Variants in MED12L observed in about 807,000 individuals in gnomAD.
MED12L encodes the protein mediator of RNA polymerase II transcription subunit 12-like protein.
A neutral mutation model predicts 281.3 loss-of-function variants in MED12L; 60 were observed. The observed-to-expected ratio is 0.21, with a 90% CI of 0.17 to 0.26. The LOEUF is 0.26. MED12L is among the 10% of genes least tolerant of loss of function. MED12L has a pLI of 1.00. For synonymous variants in MED12L, 974 were observed against 987.2 expected (o/e 0.99, Z 0.25); for missense variants, 2,146 against 2,680.9 (o/e 0.80, Z 4.41).
chr3:151,232,096 T>C (rs1179041084), intron 16 of MED12L, among the ~76,000 whole-genome samples: 1 of 152,216 alleles, frequency 6.6e-6, no homozygotes, highest in African/African-American at 2.4e-5. Context: ...GTGTCTCTGC[T>C]ATTTTTCTTA....
At chr3:151,382,506 G>C in intron 32 of MED12L, 150 bp from the exon 33 acceptor site, 1 of 494,434 alleles carries the variant, frequency 2.0e-6, no homozygotes, top group South Asian at 3.8e-5. Context: ...CTTTCTGCAT[G>C]GAGGAAGAAG....
chr3:151,233,270 A>G (rs1041307378), intron 16 of MED12L, among the ~76,000 whole-genome samples: 2 of 152,184 alleles, frequency 1.3e-5, no homozygotes, highest in Non-Finnish European at 2.9e-5. Context: ...CTGTCTTGTC[A>G]TCTCTTATTC....
chr3:151,410,362 A>G (rs1022842086), intron 40 of MED12L, among the ~76,000 whole-genome samples: 6 of 152,224 alleles, frequency 3.9e-5, no homozygotes, highest in Non-Finnish European at 2.9e-5. Context: ...CACAGCTGAA[A>G]GAAAAGCCCA....
intron 16 of MED12L, among the ~76,000 whole-genome samples, chr3:151,276,491 C>G (rs1477285396): frequency 6.6e-6 from 1 of 152,156 alleles, no homozygotes; most frequent in African/African-American, 2.4e-5. Context: ...CTGGACTGGT[C>G]TGTTTTTGGT....
At chr3:151,422,243 G>A (rs1031839841) in intron 43 of MED12L, among the ~76,000 whole-genome samples, 1 of 152,180 alleles carries the variant, frequency 6.6e-6, no homozygotes, top group Non-Finnish European at 1.5e-5. Flanking sequence ...AGAGCTGGAG[G>A]CATTGTATTA....
Position 151,427,188 on chromosome 3 carries a change from CAT to C in MED12L, c.6409-3110_6409-3109del, listed in dbSNP as rs113955745. ...GAACATTTGATTTGTTGTAATAGCA[CAT>C]GTTATGTAGGCTCTGGAAAGCTGTA... On this transcript the variant is annotated intron_variant, in intron 43 of 44. Transcript: ENST00000687756. 5.2e-3 allele frequency among the ~76,000 whole-genome samples: 797 copies of C among 152,174 alleles called. 5 individuals carry two copies. Among genetic ancestry groups the C allele is most frequent in the African/African-American group, 0.018 (763 of 41,526 alleles).
In MED12L at chr3:151,435,197, A is replaced by AC. The variant is rs1286719294; in HGVS notation, c.*2397dup. The stretch of plus-strand genomic sequence containing the variant: ...TTACCTTAGAATAAGATGGAGCGAG[A>AC]CCCCAGCTCCCCTTAAAGACAAGAC... On this transcript the variant is annotated 3_prime_UTR_variant, in exon 45 of 45. Coordinates refer to ENST00000687756, the MANE Select transcript of MED12L (RefSeq NM_001393769.1). The AC allele has an allele frequency of 3.3e-5, 5 of 149,986 alleles. No homozygotes were observed. Among genetic ancestry groups the AC allele is most frequent in the South Asian group, 4.2e-4 (2 of 4,718 alleles). 9.3% of individuals were successfully genotyped at this position (149,986 alleles called of 1,614,324 possible). A position where few individuals can be genotyped will look rare whatever the true frequency, so the allele number is the denominator to read the frequency against.
chr3:151,179,078 A>G lies in MED12L; in HGVS notation c.1495-6252A>G, dbSNP rs530246509. Among the ~76,000 whole-genome samples, 79 of 152,298 alleles carry G rather than the reference A, an allele frequency of 5.2e-4. No homozygotes were observed. The South Asian group carries it at 0.012, about 23-fold the overall frequency. On this transcript the variant is annotated intron_variant, in intron 11 of 44. Coordinates refer to ENST00000687756, the MANE Select transcript of MED12L (RefSeq NM_001393769.1). ...TTTTTGGCTGGGCGTGGTGGCTCAT[A>G]CTGGTAATGCCAGCACTTTGGAAAG...
chr3:151,347,052 T>C (rs1403034147), intron 16 of MED12L, among the ~76,000 whole-genome samples: 2 of 152,160 alleles, frequency 1.3e-5, no homozygotes, highest in African/African-American at 4.8e-5. Flanking sequence ...CATTTACTCC[T>C]TGGGTTCAAA....
chr3:151,388,484 A>G (rs1458392669), intron 37 of MED12L, among the ~76,000 whole-genome samples: 4 of 152,218 alleles, frequency 2.6e-5, no homozygotes, highest in African/African-American at 9.6e-5. Context: ...TTAGAACTAT[A>G]CAATCCCATT....
chr3:151,354,048 G>GGAC (rs1477239185), intron 17 of MED12L, among the ~76,000 whole-genome samples: 1 of 147,184 alleles, frequency 6.8e-6, no homozygotes, highest in Non-Finnish European at 1.5e-5. Flanking sequence ...GGCTGAGGCA[G>GGAC]GAGAATGGCG....
In MED12L at chr3:151,116,916, G is replaced by A. The variant is rs115882507; in HGVS notation, c.204+474G>A. On this transcript the variant is annotated intron_variant, in intron 3 of 44. Transcript: ENST00000687756. ...TCCGGGTGGTGTCTACCATCTCCCT[G>A]CATTGGAAAGGTAGTCCTCTCTACC... is the stretch of plus-strand genomic sequence containing the variant. Among the ~76,000 whole-genome samples the A allele has an allele frequency of 5.0e-3, 766 of 152,248 alleles. 8 individuals are homozygous for A. The highest frequency in any genetic ancestry group is 0.018 in the African/African-American group (728 of 41,532).
chr3:151,135,205 C>T (rs1431493), intron 5 of MED12L, among the ~76,000 whole-genome samples: 33,290 of 151,918 alleles, frequency 0.22, 3,959 homozygotes, highest in African/African-American at 0.32. Flanking sequence ...TTTGTAGAGA[C>T]GAGGTTTCAC....
chr3:151,352,672 G>T (rs748068934), intron 17 of MED12L, among the ~76,000 whole-genome samples: 1 of 152,148 alleles, frequency 6.6e-6, no homozygotes, highest in Non-Finnish European at 1.5e-5. Flanking sequence ...AGATCAGCCA[G>T]GTCTTGCCTA....
At chr3:151,307,289 G>T (rs1746783878) in intron 16 of MED12L, among the ~76,000 whole-genome samples, 1 of 152,136 alleles carries the variant, frequency 6.6e-6, no homozygotes, top group Admixed American at 6.6e-5. Flanking sequence ...CTGGTTATGA[G>T]TTACCTCTTA....
At position 151,385,085 on chromosome 3, in the gene MED12L, C is replaced by T; in HGVS notation, c.4982C>T (p.Pro1661Leu). ...ATTGACAAAGTTCGACAGTTACTAC[C>T]TTTGCCGAAACAGACATGTGATGTC... ...ESIDKVRQLLPLPKQTCDVIT... is the reference protein window; with the variant it reads ...ESIDKVRQLLLLPKQTCDVIT... Residue 1661 changes from proline to leucine, a missense_variant, in exon 36 of 45, where the codon CCT becomes CTT. Coordinates refer to ENST00000687756, the MANE Select transcript of MED12L (RefSeq NM_001393769.1). 3.1e-6 allele frequency: 5 copies of T among 1,612,228 alleles called. No homozygotes were observed. Among genetic ancestry groups the T allele is most frequent in the Non-Finnish European group, 4.2e-6 (5 of 1,179,028 alleles).
In MED12L at chr3:151,190,722, C is replaced by A; in HGVS notation, c.1759C>A (p.Pro587Thr). Residue 587 changes from proline to threonine, a missense_variant, in exon 14 of 45, where the codon CCA becomes ACA. Around this residue, in one of 9 missense-constraint regions of MED12L, gnomAD observed 722 missense variants for 861.2 expected, o/e 0.84. Transcript: ENST00000687756. ...LDTQAPSLSD[P>T]NSECEKVEFV... is the part of the protein sequence containing the mutation. The stretch of plus-strand genomic sequence containing the variant: ...TTGAATTTGTTTCTCTATAGCGGAC[C>A]CAAACAGTGAATGTGAAAAGGTGGA... 6.2e-7 allele frequency: 1 copy of A among 1,613,992 alleles called. No homozygotes were observed. The highest frequency in any genetic ancestry group is 8.5e-7 in the Non-Finnish European group (1 of 1,179,974).
intron 39 of MED12L, among the ~76,000 whole-genome samples, chr3:151,405,423 T>C (rs956498671): frequency 6.6e-6 from 1 of 152,224 alleles, no homozygotes; most frequent in Non-Finnish European, 1.5e-5. Flanking sequence ...TCTCTCTTAC[T>C]GATATGCTTA....
chr3:151,224,468 T>C (rs188028000), intron 16 of MED12L, among the ~76,000 whole-genome samples: 2 of 152,220 alleles, frequency 1.3e-5, no homozygotes, highest in African/African-American at 2.4e-5. Flanking sequence ...TTGGTGTCAA[T>C]GTGATCGCCT....
Sources: allele counts gnomAD v4.1 joint callset (sites outside exome capture counted in the v4.1 genomes callset), GRCh38; gene constraint gnomAD v4.1.1; regional missense constraint gnomAD v4.1.1; transcripts MANE v1.5; gene names NCBI Gene and HGNC (gene_info 2026-07-23, HGNC 2026-07-21).